The following ADGRA3 variants were observed in gnomAD, a reference collection of about 807,000 sequenced individuals.
ADGRA3 encodes the protein adhesion G protein-coupled receptor A3, also known as G-protein coupled receptor 125.
Under a neutral mutation model 119.8 loss-of-function variants are expected in ADGRA3, and 56 were observed. That is an observed-to-expected ratio of 0.47 (90% CI 0.38 to 0.58). The LOEUF is 0.58. Ranked by LOEUF, ADGRA3 falls within the 20% of genes least tolerant of loss-of-function variation. The pLI, the probability that ADGRA3 is intolerant of heterozygous loss-of-function variation, is 0.00. For synonymous variants in ADGRA3, 607 were observed against 623.8 expected (o/e 0.97, Z 0.40); for missense variants, 1,516 against 1,649.0 (o/e 0.92, Z 1.40).
chr4:22,504,708 CCTCAACTGG>C (rs1336511599), intron 1 of ADGRA3, among the ~76,000 whole-genome samples: 6 of 150,862 alleles, frequency 4.0e-5, no homozygotes, highest in Non-Finnish European at 8.9e-5. Flanking sequence ...AGGTAGCTGC[CCTCAACTGG>C]CTCCTGTACT....
At position 22,455,060 on chromosome 4, in the gene ADGRA3, A is replaced by C. The variant is rs964290176; in HGVS notation, c.402-123T>G. 1.1e-4 allele frequency: 72 copies of C among 684,090 alleles called. 1 individual carries two copies. The Admixed American group carries it at 1.5e-3, about 15-fold the overall frequency. 42.4% of individuals were successfully genotyped at this position (684,090 alleles called of 1,614,324 possible). A position where few individuals can be genotyped will look rare whatever the true frequency, so the allele number is the denominator to read the frequency against. On this transcript the variant is annotated intron_variant, in intron 3 of 18. Transcript: ENST00000334304. Reference sequence around the variant, plus strand: ...AGACCTTTATTCTAGCAACTTTGAGATATTTACTGTACGCAAATGAGATAA... The same window carrying C: ...AGACCTTTATTCTAGCAACTTTGAGCTATTTACTGTACGCAAATGAGATAA...
chr4:22,515,349 C>T (rs1249343407), intron 1 of ADGRA3, 179 bp downstream of exon 1: 4 of 630,714 alleles, frequency 6.3e-6, no homozygotes, highest in South Asian at 4.2e-5. Context: ...GACGCAGATT[C>T]CCTTGCCTTT....
chr4:22,495,265 C>G (rs886847301), intron 1 of ADGRA3, among the ~76,000 whole-genome samples: 1 of 151,984 alleles, frequency 6.6e-6, no homozygotes, highest in African/African-American at 2.4e-5. Flanking sequence ...TCCCGCTACT[C>G]AGAATGGTAC....
chr4:22,414,941 C>T (rs879866116), intron 12 of ADGRA3, among the ~76,000 whole-genome samples: 2 of 152,124 alleles, frequency 1.3e-5, no homozygotes, highest in Non-Finnish European at 2.9e-5. Context: ...AGGGGGAAGA[C>T]TTTATACAGA....
At position 22,413,787 on chromosome 4, in the gene ADGRA3, G is replaced by A. The variant is rs1715319479; in HGVS notation, c.1837C>T (p.Leu613Phe). The A allele has an allele frequency of 6.2e-7, 1 of 1,613,222 alleles. No homozygotes were observed. Among genetic ancestry groups the A allele is most frequent in the Non-Finnish European group, 8.5e-7 (1 of 1,179,440 alleles). Residue 613 changes from leucine to phenylalanine, a missense_variant, in exon 13 of 19, where the codon CTT becomes TTT. By Grantham distance (22) the Leu-to-Phe change is conservative (BLOSUM62 0). Transcript: ENST00000334304. Reference protein sequence around the residue: ...KNTIVEASIQLPPSLFSPKQK... With the variant: ...KNTIVEASIQFPPSLFSPKQK... ...TTTGGTGAGAAAAGGGAAGGAGGAA[G>A]CTGAATAGAAGCCTCCACAATAGTA...
At chr4:22,434,117 T>TTA (rs537951634) in intron 10 of ADGRA3, among the ~76,000 whole-genome samples, 1 of 148,732 alleles carries the variant, frequency 6.7e-6, no homozygotes, top group African/African-American at 2.5e-5. Context: ...GTACTAATTC[T>TTA]TATATATATA....
intron 1 of ADGRA3, among the ~76,000 whole-genome samples, chr4:22,501,819 TA>T (rs34843842): frequency 2.0e-5 from 3 of 151,610 alleles, no homozygotes; most frequent in African/African-American, 2.4e-5. Context: ...TATAAAACTT[TA>T]AAAAAAAAGT....
rs199638452 is a variant in ADGRA3, at chr4:22,464,139, T to TA, written c.330-2332dup. On this transcript the variant is annotated intron_variant, in intron 2 of 18. Transcript: ENST00000334304. ...CCACCCCCAATACTTCACAATATTT[T>TA]AAAAAACAAAATGATTATTAAACAC... 3.7e-3 allele frequency among the ~76,000 whole-genome samples: 565 copies of TA among 152,228 alleles called. 5 individuals carry two copies. Among genetic ancestry groups the TA allele is most frequent in the African/African-American group, 0.013 (530 of 41,526 alleles).
In ADGRA3 at chr4:22,433,992, T is replaced by A. The variant is rs377330732; in HGVS notation, c.1443+1319A>T. Among the ~76,000 whole-genome samples the A allele has an allele frequency of 1.6e-4, 25 of 152,236 alleles. 1 individual carries two copies. Among genetic ancestry groups the A allele is most frequent in the East Asian group, 1.4e-3 (7 of 5,184 alleles). ...TGACAAGTGAGGTGGCCTATTTGCC[T>A]AAGTCCCGTTTATATACATGTATCT... On this transcript the variant is annotated intron_variant, in intron 10 of 18. Transcript: ENST00000334304.
At chr4:22,501,906 G>A (rs1480551081) in intron 1 of ADGRA3, among the ~76,000 whole-genome samples, 1 of 134,740 alleles carries the variant, frequency 7.4e-6, no homozygotes, top group Non-Finnish European at 1.6e-5. Context: ...ATCCCTGAGG[G>A]AAGAACTCGA....
At chr4:22,440,006 C>T (rs926236371) in intron 7 of ADGRA3, among the ~76,000 whole-genome samples, 7 of 152,160 alleles carry the variant, frequency 4.6e-5, no homozygotes, top group African/African-American at 1.4e-4. Flanking sequence ...TAAATAACAA[C>T]TACTTCTTAA....
At chr4:22,468,774 A>AC (rs1717753768) in intron 2 of ADGRA3, among the ~76,000 whole-genome samples, 1 of 151,868 alleles carries the variant, frequency 6.6e-6, no homozygotes, top group Non-Finnish European at 1.5e-5. Flanking sequence ...GTCTCAAAAA[A>AC]AAAAAAAAGA....
At chr4:22,402,858 GA>G in intron 14 of ADGRA3, 59 bp from the exon 15 acceptor site, 1 of 1,537,198 alleles carries the variant, frequency 6.5e-7, no homozygotes, top group South Asian at 1.2e-5. Context: ...TAACTACTGA[GA>G]TTTTTTTGAG....
At chr4:22,444,286 T>C (rs1716744560) in intron 6 of ADGRA3, among the ~76,000 whole-genome samples, 1 of 152,102 alleles carries the variant, frequency 6.6e-6, no homozygotes, top group Non-Finnish European at 1.5e-5. Context: ...TCTAACTGTA[T>C]CAGTTATTTT....
intron 14 of ADGRA3, among the ~76,000 whole-genome samples, chr4:22,407,543 T>A (rs1333086275): frequency 1.3e-5 from 2 of 152,118 alleles, no homozygotes; most frequent in East Asian, 3.9e-4. Flanking sequence ...AGAAAATGAC[T>A]CTGCCCTCCA....
chr4:22,490,624 G>T (rs145031692), intron 1 of ADGRA3, among the ~76,000 whole-genome samples: 298 of 152,282 alleles, frequency 2.0e-3, no homozygotes, highest in African/African-American at 6.8e-3. Context: ...AGTGCTACAA[G>T]AGGGATATGT....
chr4:22,434,072 G>A (rs1203770859), intron 10 of ADGRA3, among the ~76,000 whole-genome samples: 1 of 150,736 alleles, frequency 6.6e-6, no homozygotes, highest in Non-Finnish European at 1.5e-5. Flanking sequence ...AATGCACTAG[G>A]GCCACAGTTT....
chr4:22,388,375 G>A lies in ADGRA3; in HGVS notation c.3296C>T (p.Thr1099Ile), dbSNP rs1285667518. ...TTTGAAGCTTGAAGCACTTTTGTTT[G>A]TGCATGAAGACTCCGCACTGCTATT... ...CPNSSAESSC[T>I]NKSASSFKNS... The change falls in exon 19 of 19, where the codon ACA becomes ATA. Residue 1099 changes from threonine (T) to isoleucine (I), a missense_variant. Thr to Ile is a moderately conservative substitution (Grantham distance 89). Transcript: ENST00000334304. The A allele has an allele frequency of 3.1e-6, 5 of 1,614,054 alleles. No individual in the cohort carries two copies. In the South Asian group the frequency reaches 4.4e-5, roughly 14 times the overall value.
intron 16 of ADGRA3, chr4:22,398,055 A>T: frequency 1.0e-6 from 1 of 984,472 alleles, no homozygotes; most frequent in Non-Finnish European, 1.2e-6. Flanking sequence ...CAGAGGAGCT[A>T]TCTTCTACAC....
Sources: allele counts gnomAD v4.1 joint callset (sites outside exome capture counted in the v4.1 genomes callset), GRCh38; gene constraint gnomAD v4.1.1; transcripts MANE v1.5; gene names NCBI Gene and HGNC (gene_info 2026-07-23, HGNC 2026-07-21).